The following ITGA4 variants were observed in gnomAD, a reference collection of about 807,000 sequenced individuals.
The protein encoded by ITGA4 is integrin subunit alpha 4.
A neutral mutation model predicts 133.6 loss-of-function variants in ITGA4; 63 were observed. That is an observed-to-expected ratio of 0.47 (90% CI 0.38 to 0.58). The LOEUF (loss-of-function observed/expected upper bound fraction) is 0.58. Ranked by LOEUF, ITGA4 falls within the 20% of genes least tolerant of loss-of-function variation. The pLI is 0.00. For missense variants in ITGA4, 1,076 were observed against 1,252.7 expected, an observed-to-expected ratio of 0.86 and a Z score of 2.13; for synonymous variants, 483 against 438.0, an observed-to-expected ratio of 1.10 and a Z score of -1.28.
rs748157633 is a variant in ITGA4 at position 181,482,397 on chromosome 2, T to C, written c.878T>C (p.Ile293Thr). ...IFSIDEKELN[I>T]LHEMKGKKLG... ...AGCATTGATGAAAAAGAACTAAATA[T>C]CTTACATGAAATGAAAGGTAAAAAG... The change falls in exon 8 of 28, where the codon ATC (isoleucine) becomes ACC (threonine). Residue 293 changes from isoleucine (I) to threonine (T), a missense_variant. Around this residue, in one of 4 missense-constraint regions of ITGA4, gnomAD observed 436 missense variants for 590.7 expected, o/e 0.74. Coordinates refer to ENST00000397033, the MANE Select transcript of ITGA4 (RefSeq NM_000885.6). 6 of 1,613,084 alleles carry C rather than the reference T, an allele frequency of 3.7e-6. No homozygotes were observed. Among genetic ancestry groups the C allele is most frequent in the Non-Finnish European group, 5.1e-6 (6 of 1,179,382 alleles).
rs989146099 is a variant in ITGA4, at chr2:181,538,762, C to T, written c.*3235C>T. ...ACACTTTACTATTCAGATGGCTCCA[C>T]TAAAAGATTTAAGATCTTGATCCAT... On this transcript the variant is annotated 3_prime_UTR_variant, in exon 28 of 28. Coordinates refer to ENST00000397033, the MANE Select transcript of ITGA4 (RefSeq NM_000885.6). 6.6e-6 allele frequency among the ~76,000 whole-genome samples: 1 copy of T among 152,090 alleles called. No individual in the cohort carries two copies. The highest frequency in any genetic ancestry group is 1.5e-5 in the Non-Finnish European group (1 of 68,002).
At chr2:181,524,133 AT>A (rs747255589) in intron 19 of ITGA4, 37 bp from the exon 20 acceptor site, 22 of 1,353,120 alleles carry the variant, frequency 1.6e-5, no homozygotes, top group Admixed American at 4.2e-5. Context: ...TGTACTTAAG[AT>A]TTTTTTTAAT....
chr2:181,517,478 G>A (rs746116547), intron 17 of ITGA4, among the ~76,000 whole-genome samples: 13 of 151,970 alleles, frequency 8.6e-5, no homozygotes, highest in Non-Finnish European at 1.9e-4. Context: ...ACCTTGATTT[G>A]TTTAAGTTAC....
chr2:181,489,730 G>A (rs1686002088), intron 10 of ITGA4, among the ~76,000 whole-genome samples: 1 of 152,148 alleles, frequency 6.6e-6, no homozygotes, highest in Admixed American at 6.5e-5. Context: ...TCAAGTCAGA[G>A]CTTGTGGGTA....
intron 2 of ITGA4, chr2:181,458,520 A>C: frequency 1.7e-6 from 1 of 603,558 alleles, no homozygotes. Flanking sequence ...CCTTTTCCTT[A>C]TGGCAATGAT....
chr2:181,491,776 C>A (rs1039670160), intron 10 of ITGA4, among the ~76,000 whole-genome samples: 1 of 152,194 alleles, frequency 6.6e-6, no homozygotes, highest in East Asian at 1.9e-4. Context: ...TCCTCTTTCT[C>A]TTCCTTACCA....
intron 2 of ITGA4, among the ~76,000 whole-genome samples, chr2:181,473,636 C>T (rs1187902044): frequency 6.6e-6 from 1 of 152,202 alleles, no homozygotes; most frequent in Non-Finnish European, 1.5e-5. Flanking sequence ...CAAAATCTCT[C>T]CTACCCAGGA....
chr2:181,470,703 C>T (rs140882262), intron 2 of ITGA4, among the ~76,000 whole-genome samples: 14 of 152,038 alleles, frequency 9.2e-5, no homozygotes, highest in African/African-American at 1.9e-4. Flanking sequence ...ACCAAGATTC[C>T]GCAGGCACAA....
At chr2:181,497,276 C>T (rs987185122) in intron 14 of ITGA4, among the ~76,000 whole-genome samples, 2 of 152,078 alleles carry the variant, frequency 1.3e-5, no homozygotes, top group African/African-American at 2.4e-5. Context: ...GACAAACATA[C>T]GAAACACATA....
intron 7 of ITGA4, among the ~76,000 whole-genome samples, 168 bp from the exon 8 acceptor site, chr2:181,482,192 G>A (rs1211687039): frequency 6.6e-6 from 1 of 152,132 alleles, no homozygotes; most frequent in Non-Finnish European, 1.5e-5. Flanking sequence ...GCATATTAAT[G>A]TAACAGTGGA....
chr2:181,511,737 T>C lies in ITGA4; in HGVS notation c.1884T>C (p.Ser628=). The change falls in exon 17 of 28, where the codon TCT becomes TCC. Residue 628 remains serine, a synonymous_variant. Coordinates refer to ENST00000397033, the MANE Select transcript of ITGA4 (RefSeq NM_000885.6). The stretch of plus-strand genomic sequence containing the variant: ...GGTTTTGTGCCCATGAAAATTGTTC[T>C]GCTGATTTACAGGTTTCTGCAAAGA... The part of the protein sequence containing the change: ...FARFCAHENC[S]ADLQVSAKIG... 1 of 1,600,148 alleles carries C rather than the reference T, an allele frequency of 6.2e-7. No homozygotes were observed. The highest frequency in any genetic ancestry group is 1.1e-5 in the South Asian group (1 of 90,720).
chr2:181,476,689 T>C (rs76047049), intron 4 of ITGA4, among the ~76,000 whole-genome samples: 10,798 of 152,228 alleles, frequency 0.071, 500 homozygotes, highest in Middle Eastern at 0.12. Context: ...TTAATGGTGT[T>C]AGCAATAGCA....
rs1343443574 is a variant in ITGA4, at chr2:181,500,940, G to A, written c.1695+2163G>A. Among the ~76,000 whole-genome samples the A allele has an allele frequency of 2.6e-5, 4 of 152,082 alleles. No homozygotes were observed. In the East Asian group the frequency reaches 7.7e-4, roughly 29 times the overall value. On this transcript the variant is annotated intron_variant, in intron 15 of 27. Coordinates refer to ENST00000397033, the MANE Select transcript of ITGA4 (RefSeq NM_000885.6). ...ATACAGGTGATAAAGGAAAAAGGAG[G>A]GCAGAGTACAGAAATGTGCAGTGCT...
intron 22 of ITGA4, among the ~76,000 whole-genome samples, chr2:181,528,308 T>G (rs146571095): frequency 1.3e-5 from 2 of 152,356 alleles, no homozygotes; most frequent in Non-Finnish European, 2.9e-5. Flanking sequence ...AGTTCTCCAC[T>G]TTGAAGTCCC....
intron 2 of ITGA4, among the ~76,000 whole-genome samples, chr2:181,471,627 A>C (rs886237755): frequency 6.6e-6 from 1 of 152,194 alleles, no homozygotes; most frequent in Non-Finnish European, 1.5e-5. Flanking sequence ...TTAGAAGGCA[A>C]CTATTGTTTG....
At position 181,482,361 on chromosome 2, in the gene ITGA4, CAT is replaced by C; in HGVS notation, c.849_850del (p.Phe284GlnfsTer3). On this transcript the variant is annotated frameshift_variant and splice_region_variant, in exon 8 of 28. Coordinates refer to ENST00000397033, the MANE Select transcript of ITGA4 (RefSeq NM_000885.6). LOFTEE classifies it high-confidence loss of function. ...TTCTAATTCTTTCCCTAATTACAGG[CAT>C]ATATATTCAGCATTGATGAAAAAGA... 1 of 1,608,820 alleles carries C rather than the reference CAT, an allele frequency of 6.2e-7. No homozygotes were observed. The highest frequency in any genetic ancestry group is 8.5e-7 in the Non-Finnish European group (1 of 1,177,416).
At chr2:181,506,239 A>C (rs1432828565) in intron 15 of ITGA4, among the ~76,000 whole-genome samples, 1 of 152,144 alleles carries the variant, frequency 6.6e-6, no homozygotes, top group African/African-American at 2.4e-5. Flanking sequence ...GTTCACCAGA[A>C]TCTCCTATTC....
At chr2:181,460,316 A>T (rs1685240205) in intron 2 of ITGA4, among the ~76,000 whole-genome samples, 1 of 152,210 alleles carries the variant, frequency 6.6e-6, no homozygotes, top group Non-Finnish European at 1.5e-5. Context: ...TTTCTCATGT[A>T]ACATTCTAAA....
chr2:181,522,139 G>C, intron 17 of ITGA4, 52 bp from the exon 18 acceptor site: 1 of 1,131,504 alleles, frequency 8.8e-7, no homozygotes, highest in East Asian at 2.4e-5. Context: ...ATATAAGAGA[G>C]AGGGATTTTT....
Sources: gnomAD v4.1 joint callset for allele counts (sites outside exome capture counted in the v4.1 genomes callset) on GRCh38, gnomAD v4.1.1 for gene constraint, gnomAD v4.1.1 regional missense constraint, MANE v1.5 for transcripts, NCBI Gene and HGNC (gene_info 2026-07-23, HGNC 2026-07-21) for gene names.